The following BTNL9 variants were observed in gnomAD, a reference collection of about 807,000 sequenced individuals.
BTNL9 encodes butyrophilin like 9.
A neutral mutation model predicts 45.8 loss-of-function variants in BTNL9; 45 were observed. That is an observed-to-expected ratio of 0.98 (90% CI 0.77 to 1.26). The LOEUF is 1.26. Among genes scored for constraint, BTNL9 ranks in the 50% most tolerant of loss-of-function variants. The pLI is 0.00. For synonymous variants in BTNL9, 346 were observed against 330.8 expected (o/e 1.05, Z -0.50); for missense variants, 784 against 729.7 (o/e 1.07, Z -0.86).
chr5:181,049,207 T>C (rs1190965546), intron 3 of BTNL9, among the ~76,000 whole-genome samples: 7 of 151,916 alleles, frequency 4.6e-5, no homozygotes, highest in African/African-American at 7.3e-5. Context: ...CAATCCCACC[T>C]CCAGGAACTT....
chr5:181,059,720 G>A lies in BTNL9; in HGVS notation c.1466G>A (p.Arg489Lys). 6.2e-7 allele frequency: 1 copy of A among 1,613,454 alleles called. No individual in the cohort carries two copies. The highest frequency in any genetic ancestry group is 8.5e-7 in the Non-Finnish European group (1 of 1,179,964). ...SGALCAYFRP[R>K]AHDGGEHPDP... ...GCGCTCTGTGCGTACTTCAGGCCCA[G>A]GGCCCACGACGGCGGCGAACATCCG... Residue 489 changes from arginine to lysine, a missense_variant, in exon 11 of 11, where the codon AGG becomes AAG. Physicochemically the swap from Arg to Lys is conservative, Grantham distance 26. Coordinates refer to ENST00000327705, the MANE Select transcript of BTNL9 (RefSeq NM_152547.5).
At chr5:181,044,158 C>T (rs1282976517) in intron 1 of BTNL9, among the ~76,000 whole-genome samples, 2 of 152,144 alleles carry the variant, frequency 1.3e-5, no homozygotes, top group Non-Finnish European at 2.9e-5. Flanking sequence ...CCTAAGGGTC[C>T]CTGGGGAGCC....
At chr5:181,054,496 C>T in intron 7 of BTNL9, 1 of 985,480 alleles carries the variant, frequency 1.0e-6, no homozygotes, top group Non-Finnish European at 1.2e-6. Flanking sequence ...TTAGACAATT[C>T]AGTTAAAATT....
intron 9 of BTNL9, chr5:181,056,713 G>A: frequency 1.5e-6 from 1 of 658,420 alleles, no homozygotes. Context: ...TGTCCACTAA[G>A]GGGATAGTGG....
intron 1 of BTNL9, 91 bp from the exon 2 acceptor site, chr5:181,045,376 T>A (rs1761041927): frequency 2.9e-6 from 2 of 695,022 alleles, no homozygotes; most frequent in East Asian, 5.3e-5. Flanking sequence ...CAAAAATAAC[T>A]GAGGCCACAA....
At position 181,045,561 on chromosome 5, in the gene BTNL9, G is replaced by A. The variant is rs747367645; in HGVS notation, c.72G>A (p.Met24Ile). 2 of 1,612,726 alleles carry A rather than the reference G, an allele frequency of 1.2e-6. No individual in the cohort carries two copies. The highest frequency in any genetic ancestry group is 1.7e-6 in the Non-Finnish European group (2 of 1,179,396). The change falls in exon 2 of 11, where the codon ATG (methionine) becomes ATA (isoleucine). Residue 24 changes from methionine (M) to isoleucine (I), a missense_variant. By Grantham distance (10) the Met-to-Ile change is conservative. Transcript: ENST00000327705. ...VSLTSSLVFLMHLLLLQPGEP... is the reference protein window; with the variant it reads ...VSLTSSLVFLIHLLLLQPGEP... ...TGACCAGCAGTCTTGTCTTCCTCATGCACCTCCTCCTCCTTCAGCCTGGGG... is the reference window on the plus strand; with the variant it reads ...TGACCAGCAGTCTTGTCTTCCTCATACACCTCCTCCTCCTTCAGCCTGGGG...
At chr5:181,051,342 A>T (rs1450822435) in intron 4 of BTNL9, among the ~76,000 whole-genome samples, 1 of 152,314 alleles carries the variant, frequency 6.6e-6, no homozygotes, top group African/African-American at 2.4e-5. Flanking sequence ...CACGAGTCCA[A>T]ATCAAAAGCT....
At position 181,050,216 on chromosome 5, in the gene BTNL9, C is replaced by G; in HGVS notation, c.583C>G (p.Pro195Ala). The change falls in exon 4 of 11, where the codon CCT becomes GCT. Residue 195 changes from proline to alanine, a missense_variant. Physicochemically the swap from Pro to Ala is conservative, Grantham distance 27. Coordinates refer to ENST00000327705, the MANE Select transcript of BTNL9 (RefSeq NM_152547.5). The surrounding 1 kb of genome is among the most constrained non-coding windows in gnomAD (Gnocchi z 4.9). ...GAGAGACCACCAGGGACAGTGCCTGCCTCCAGAGTTTGAAGCCATCGTCTG... is the reference window on the plus strand; with the variant it reads ...GAGAGACCACCAGGGACAGTGCCTGGCTCCAGAGTTTGAAGCCATCGTCTG... ...QWRDHQGQCL[P>A]PEFEAIVWDA... 1 of 1,614,134 alleles carries G rather than the reference C, an allele frequency of 6.2e-7. No homozygotes were observed. Among genetic ancestry groups the G allele is most frequent in the Non-Finnish European group, 8.5e-7 (1 of 1,180,040 alleles).
Position 181,059,763 on chromosome 5 carries a change from C to T in BTNL9, c.1509C>T (p.Cys503=), listed in dbSNP as rs1430923940. Residue 503 remains cysteine (C), a synonymous_variant, in exon 11 of 11, where the codon TGC becomes TGT. Transcript: ENST00000327705. ...GGEHPDPLTI[C]PLPVRGTGVP... Reference sequence around the variant, plus strand: ...AACATCCGGATCCCCTGACCATCTGCCCGCTGCCGGTTAGAGGGACGGGCG... The same window carrying T: ...AACATCCGGATCCCCTGACCATCTGTCCGCTGCCGGTTAGAGGGACGGGCG... 3 of 1,611,600 alleles carry T rather than the reference C, an allele frequency of 1.9e-6. No individual in the cohort carries two copies. Among genetic ancestry groups the T allele is most frequent in the South Asian group, 2.2e-5 (2 of 90,996 alleles).
Position 181,055,783 on chromosome 5 carries a change from C to T in BTNL9, c.929-206C>T. 1.4e-6 allele frequency: 1 copy of T among 725,674 alleles called. No individual in the cohort carries two copies. 45.0% of individuals were successfully genotyped at this position (725,674 alleles called of 1,614,324 possible). ...GACTCTGTCTCAAAAAAAAAAAGAA[C>T]TATTTCTCCTCATTCATCATTTTGC... On this transcript the variant is annotated intron_variant, in intron 8 of 10. Transcript: ENST00000327705. The surrounding 1 kb of genome is among the most constrained non-coding windows in gnomAD (Gnocchi z 4.4).
chr5:181,050,219 C>T lies in BTNL9; in HGVS notation c.586C>T (p.Pro196Ser). ...AGACCACCAGGGACAGTGCCTGCCTCCAGAGTTTGAAGCCATCGTCTGGGA... is the reference window on the plus strand; with the variant it reads ...AGACCACCAGGGACAGTGCCTGCCTTCAGAGTTTGAAGCCATCGTCTGGGA... ...WRDHQGQCLPPEFEAIVWDAQ... is the reference protein window; with the variant it reads ...WRDHQGQCLPSEFEAIVWDAQ... The change falls in exon 4 of 11, where the codon CCA becomes TCA. Residue 196 changes from proline to serine, a missense_variant. Coordinates refer to ENST00000327705, the MANE Select transcript of BTNL9 (RefSeq NM_152547.5). The surrounding 1 kb of genome is among the most constrained non-coding windows in gnomAD (Gnocchi z 4.9). 3 of 1,614,104 alleles carry T rather than the reference C, an allele frequency of 1.9e-6. No homozygotes were observed. The highest frequency in any genetic ancestry group is 2.5e-6 in the Non-Finnish European group (3 of 1,180,040).
intron 10 of BTNL9, 200 bp from the exon 11 acceptor site, chr5:181,059,037 G>C (rs1440043526): frequency 4.4e-6 from 2 of 452,970 alleles, no homozygotes; most frequent in South Asian, 9.2e-5. Context: ...AGGATTCCTT[G>C]TCACTATCAA....
Position 181,040,321 on chromosome 5 carries a change from G to C in BTNL9, c.-135G>C, listed in dbSNP as rs1016394172. The C allele has an allele frequency of 1.3e-5, 2 of 152,174 alleles. No homozygotes were observed. Among genetic ancestry groups the C allele is most frequent in the Non-Finnish European group, 2.9e-5 (2 of 68,064 alleles). 9.4% of individuals were successfully genotyped at this position (152,174 alleles called of 1,614,324 possible). The stretch of plus-strand genomic sequence containing the variant: ...GCTCAGCTGCCAGTCCACGTCTAGG[G>C]AATCTTAGCATCTGGGACCAAGACA... On this transcript the variant is annotated 5_prime_UTR_variant, in exon 1 of 11. Coordinates refer to ENST00000327705, the MANE Select transcript of BTNL9 (RefSeq NM_152547.5).
At position 181,042,611 on chromosome 5, in the gene BTNL9, G is replaced by A. The variant is rs962656092; in HGVS notation, c.-24+2179G>A. Among the ~76,000 whole-genome samples, 4 of 152,184 alleles carry A rather than the reference G, an allele frequency of 2.6e-5. No individual in the cohort carries two copies. The highest frequency in any genetic ancestry group is 7.2e-5 in the African/African-American group (3 of 41,432). On this transcript the variant is annotated intron_variant, in intron 1 of 10. Coordinates refer to ENST00000327705, the MANE Select transcript of BTNL9 (RefSeq NM_152547.5). This position sits in a 1 kb window ranked among gnomAD's most constrained non-coding sequence, Gnocchi z 4.5. ...TGCCAGACCATCTCTCTCTGCTAAA[G>A]GCTTTCAAGATGATACCCTTGAGTG...
Position 181,053,261 on chromosome 5 carries a change from G to A in BTNL9, c.798G>A (p.Leu266=). ...KSAFVATLPL[L]LVLAALALGV... ...CGTTCGTCGCGACCCTGCCGCTGCT[G>A]TTGGTCCTCGCGGCGCTGGCGCTGG... Residue 266 remains leucine (L), a synonymous_variant, in exon 5 of 11, where the codon CTG becomes CTA. Coordinates refer to ENST00000327705, the MANE Select transcript of BTNL9 (RefSeq NM_152547.5). This position sits in a 1 kb window ranked among gnomAD's most constrained non-coding sequence, Gnocchi z 6.5. The A allele has an allele frequency of 6.3e-7, 1 of 1,589,180 alleles. No individual in the cohort carries two copies. The highest frequency in any genetic ancestry group is 8.6e-7 in the Non-Finnish European group (1 of 1,168,982).
rs111797839 is a variant in BTNL9 at position 181,048,348 on chromosome 5, G to A, written c.454+77G>A. 381 of 1,297,052 alleles carry A rather than the reference G, an allele frequency of 2.9e-4. 7 individuals are homozygous for A. The South Asian group carries it at 5.1e-3, about 18-fold the overall frequency. 80.3% of individuals were successfully genotyped at this position (1,297,052 alleles called of 1,614,324 possible). Reference sequence around the variant, plus strand: ...TGCCAAGTAGAGGTGGAGTCACAGAGAACAGAAGAATGTCGGTGATTTTTA... The same window carrying A: ...TGCCAAGTAGAGGTGGAGTCACAGAAAACAGAAGAATGTCGGTGATTTTTA... On this transcript the variant is annotated intron_variant, in intron 3 of 10. Coordinates refer to ENST00000327705, the MANE Select transcript of BTNL9 (RefSeq NM_152547.5).
chr5:181,051,218 A>C (rs746292265), intron 4 of BTNL9, among the ~76,000 whole-genome samples: 63 of 152,274 alleles, frequency 4.1e-4, no homozygotes, highest in Admixed American at 9.8e-4. Context: ...CAGTGAGCTG[A>C]AGGCAAGGTC....
chr5:181,045,397 GT>G lies in BTNL9; in HGVS notation c.-23-69del, dbSNP rs111396549. On this transcript the variant is annotated intron_variant, in intron 1 of 10. Transcript: ENST00000327705. ...TAACTGAGGCCACAACAGACTTCAG[GT>G]CTGATGGAGTGAGTTCCAGCTCCCC... The G allele has an allele frequency of 4.9e-6, 4 of 812,260 alleles. No homozygotes were observed. In the African/African-American group the frequency reaches 5.1e-5, roughly 10 times the overall value. The allele number at this position is 812,260 out of a possible 1,614,324, so 50.3% of individuals were successfully genotyped here. A position where few individuals can be genotyped will look rare whatever the true frequency, so the allele number is the denominator to read the frequency against.
intron 4 of BTNL9, among the ~76,000 whole-genome samples, chr5:181,051,796 T>G (rs1206851889): frequency 2.0e-5 from 3 of 152,106 alleles, no homozygotes. Flanking sequence ...AATATTTTCT[T>G]TTTAGCTTTT....
Sources: gnomAD v4.1 joint callset for allele counts (sites outside exome capture counted in the v4.1 genomes callset) on GRCh38, gnomAD v4.1.1 for gene constraint, Gnocchi (gnomAD v3.1) non-coding constraint, MANE v1.5 for transcripts, NCBI Gene and HGNC (gene_info 2026-07-23, HGNC 2026-07-21) for gene names.